Variants in XPC observed in about 807,000 individuals in gnomAD.
XPC encodes DNA repair protein complementing XP-C cells.
XPC carries 76 observed loss-of-function variants against 95.8 expected under a neutral mutation model. The ratio of observed to expected loss-of-function variants is 0.79; its 90% CI spans 0.66 to 0.96. XPC has a LOEUF of 0.96. XPC is among the 40% of genes least tolerant of loss of function. XPC has a pLI of 0.00. For missense variants in XPC, 1,146 were observed against 1,179.8 expected (o/e 0.97, Z 0.42); for synonymous variants, 442 against 442.1 (o/e 1.00, Z 0.00).
Position 14,152,369 on chromosome 3 carries a change from G to A in XPC, c.2081C>T (p.Ala694Val). Residue 694 changes from alanine to valine, a missense_variant, in exon 11 of 16, where the codon GCA becomes GTA. Physicochemically the swap from Ala to Val is moderately conservative, Grantham distance 64. Coordinates refer to ENST00000285021, the MANE Select transcript of XPC (RefSeq NM_004628.5). Reference sequence around the variant, plus strand: ...TACTTCTCCAAGCCTCACCACTCTTGCTTTCTTCAGCCACGTGTCCCTGGA... The same window carrying A: ...TACTTCTCCAAGCCTCACCACTCTTACTTTCTTCAGCCACGTGTCCCTGGA... Reference protein sequence around the residue: ...LHSRDTWLKKARVVRLGEVPY... With the variant: ...LHSRDTWLKKVRVVRLGEVPY... 6.2e-7 allele frequency: 1 copy of A among 1,613,248 alleles called. No homozygotes were observed. The highest frequency in any genetic ancestry group is 1.1e-5 in the South Asian group (1 of 90,846).
intron 14 of XPC, 75 bp downstream of exon 14, chr3:14,147,833 C>T (rs2125008054): frequency 7.3e-7 from 1 of 1,374,764 alleles, no homozygotes; most frequent in East Asian, 2.5e-5. Context: ...CGGAGGCGGC[C>T]TGGGGAAGGA....
chr3:14,149,661 T>C (rs942291493), intron 11 of XPC: 7 of 152,214 alleles, frequency 4.6e-5, no homozygotes, highest in African/African-American at 1.2e-4. Context: ...GGTGTCACCA[T>C]ATTGGCCTGG....
chr3:14,171,913 A>T (rs1382721455), intron 2 of XPC, among the ~76,000 whole-genome samples: 1 of 152,112 alleles, frequency 6.6e-6, no homozygotes, highest in East Asian at 1.9e-4. Flanking sequence ...GAAAATCATC[A>T]TGCTGTCCCG....
In XPC at chr3:14,145,807, C is replaced by T; in HGVS notation, c.*134G>A. On this transcript the variant is annotated 3_prime_UTR_variant, in exon 16 of 16. Transcript: ENST00000285021. ...GGCCTCGTCTCCCCTGACCCCGCCT[C>T]CGTGCATGCTGCCTCAGTTTGCCTT... 1 of 1,132,094 alleles carries T rather than the reference C, an allele frequency of 8.8e-7. No individual in the cohort carries two copies. Among genetic ancestry groups the T allele is most frequent in the Non-Finnish European group, 1.3e-6 (1 of 774,722 alleles). 70.1% of individuals were successfully genotyped at this position (1,132,094 alleles called of 1,614,324 possible).
In XPC at chr3:14,145,308, T is replaced by C. The variant is rs1368402602; in HGVS notation, c.*633A>G. 2.9e-6 allele frequency: 2 copies of C among 698,434 alleles called. No individual in the cohort carries two copies. The highest frequency in any genetic ancestry group is 3.5e-5 in the African/African-American group (2 of 57,038). The allele number at this position is 698,434 out of a possible 1,614,324, so 43.3% of individuals were successfully genotyped here. ...TTTTCAATTCGTATTTTTCCTTTTC[T>C]TTCCTGATTTTAGCTTTTTTTAGGC... is the stretch of plus-strand genomic sequence containing the variant. On this transcript the variant is annotated 3_prime_UTR_variant, in exon 16 of 16. Transcript: ENST00000285021.
chr3:14,147,314 C>T lies in XPC; in HGVS notation c.2580G>A (p.Arg860=). 6.2e-7 allele frequency: 1 copy of T among 1,611,812 alleles called. No homozygotes were observed. The highest frequency in any genetic ancestry group is 8.5e-7 in the Non-Finnish European group (1 of 1,179,096). ...CCTTGGGCCCGTAGCGACGCTTCAGCCTCTCCCTGATGAGCAGACCTTTGG... is the reference window on the plus strand; with the variant it reads ...CCTTGGGCCCGTAGCGACGCTTCAGTCTCTCCCTGATGAGCAGACCTTTGG... The part of the protein sequence containing the change: ...LLAKGLLIRE[R]LKRRYGPKSE... Residue 860 remains arginine (R), a synonymous_variant, in exon 15 of 16, where the codon AGG becomes AGA. Coordinates refer to ENST00000285021, the MANE Select transcript of XPC (RefSeq NM_004628.5).
chr3:14,160,566 T>C (rs1696129622), intron 7 of XPC, among the ~76,000 whole-genome samples: 1 of 152,260 alleles, frequency 6.6e-6, no homozygotes, highest in African/African-American at 2.4e-5. Context: ...GCTTTTGCCT[T>C]GTTTCTTCTG....
At chr3:14,176,730 G>A (rs1307255984) in intron 1 of XPC, among the ~76,000 whole-genome samples, 5 of 152,258 alleles carry the variant, frequency 3.3e-5, no homozygotes, top group African/African-American at 9.6e-5. Flanking sequence ...AGCCTTTGCC[G>A]GTTACCTAGT....
intron 5 of XPC, among the ~76,000 whole-genome samples, chr3:14,166,777 C>G (rs1469328687): frequency 6.6e-6 from 1 of 152,184 alleles, no homozygotes; most frequent in East Asian, 1.9e-4. Context: ...TAAGCTTTAT[C>G]CAAGTCTCTA....
In XPC at chr3:14,178,090, T is replaced by C. The variant is rs553871255; in HGVS notation, c.103+376A>G. ...TGTGGAACTCTGGGTGAGACTCAGC[T>C]GAAGTTATCATTCGGGAGTCAGCAC... On this transcript the variant is annotated intron_variant, in intron 1 of 15. Transcript: ENST00000285021. Among the ~76,000 whole-genome samples the C allele has an allele frequency of 3.3e-5, 5 of 152,316 alleles. No individual in the cohort carries two copies. The South Asian group carries it at 1.0e-3, about 32-fold the overall frequency.
chr3:14,164,929 T>A lies in XPC; in HGVS notation c.784A>T (p.Ile262Phe). The change falls in exon 7 of 16, where the codon ATT (isoleucine) becomes TTT (phenylalanine). Residue 262 changes from isoleucine (I) to phenylalanine (F), a missense_variant. Physicochemically the swap from Ile to Phe is conservative, Grantham distance 21 (BLOSUM62 0). Transcript: ENST00000285021. Reference protein sequence around the residue: ...YYLSNLVKWFIGTFTVNAELS... With the variant: ...YYLSNLVKWFFGTFTVNAELS... ...TCTGCATTAACTGTAAATGTTCCAA[T>A]GAACCTGGGGAGAAAGCAGGCATTC... 1.2e-6 allele frequency: 2 copies of A among 1,609,290 alleles called. No individual in the cohort carries two copies. Among genetic ancestry groups the A allele is most frequent in the Non-Finnish European group, 1.7e-6 (2 of 1,177,820 alleles).
intron 13 of XPC, 54 bp from the exon 14 acceptor site, chr3:14,148,055 T>C: frequency 1.4e-6 from 2 of 1,456,784 alleles, no homozygotes. Flanking sequence ...GCTCTGCCTC[T>C]CCTCCCTCCC....
chr3:14,150,735 G>C (rs1695653908), intron 11 of XPC, among the ~76,000 whole-genome samples: 1 of 152,252 alleles, frequency 6.6e-6, no homozygotes, highest in Non-Finnish European at 1.5e-5. Context: ...CCTGAGGACA[G>C]TGGAGGCAAG....
chr3:14,146,067 T>C lies in XPC; in HGVS notation c.2697A>G (p.Ile899Met). The C allele has an allele frequency of 6.2e-7, 1 of 1,612,764 alleles. No individual in the cohort carries two copies. Among genetic ancestry groups the C allele is most frequent in the Non-Finnish European group, 8.5e-7 (1 of 1,179,502 alleles). The change falls in exon 16 of 16, where the codon ATA becomes ATG. Residue 899 changes from isoleucine to methionine, a missense_variant. Ile to Met is a conservative substitution (Grantham distance 10). Transcript: ENST00000285021. ...GGTTTTGAGGCCAGGAGGCAGCCAG[T>C]ATCCTGGCCGCTTCTGCTTGAGAGC... Reference protein sequence around the residue: ...GTSSQAEAARILAASWPQNRE... With the variant: ...GTSSQAEAARMLAASWPQNRE...
At position 14,145,749 on chromosome 3, in the gene XPC, A is replaced by G. The variant is rs3731178; in HGVS notation, c.*192T>C. ...CCTGGGTGAATCTGACAAGGGCTGG[A>G]GCCAGACGGGACCTGCAGCACCTCC... On this transcript the variant is annotated 3_prime_UTR_variant, in exon 16 of 16. Transcript: ENST00000285021. 3.1e-3 allele frequency: 2,279 copies of G among 738,870 alleles called. 41 individuals carry two copies. In the African/African-American group the frequency reaches 0.035, roughly 11 times the overall value. 45.8% of individuals were successfully genotyped at this position (738,870 alleles called of 1,614,324 possible). A position where few individuals can be genotyped will look rare whatever the true frequency, so the allele number is the denominator to read the frequency against.
chr3:14,158,872 T>C lies in XPC; in HGVS notation c.1011A>G (p.Glu337=). The C allele has an allele frequency of 6.2e-7, 1 of 1,614,006 alleles. No homozygotes were observed. The highest frequency in any genetic ancestry group is 8.5e-7 in the Non-Finnish European group (1 of 1,179,890). ...ATAKGKKPSK[E]RLTADPGGSS... ...AGCCTCCTGGATCCGCAGTCAATCT[T>C]TCCTTGGAAGGTTTCTTTCCCTTAA... Residue 337 remains glutamate, a synonymous_variant, in exon 9 of 16, where the codon GAA becomes GAG. Coordinates refer to ENST00000285021, the MANE Select transcript of XPC (RefSeq NM_004628.5). The surrounding 1 kb of genome is among the most constrained non-coding windows in gnomAD (Gnocchi z 5.2).
intron 1 of XPC, among the ~76,000 whole-genome samples, chr3:14,173,545 C>T (rs1203566269): frequency 6.6e-6 from 1 of 152,228 alleles, no homozygotes; most frequent in Admixed American, 6.5e-5. Context: ...GCTCAAAACA[C>T]ATACTGCTCT....
At chr3:14,151,852 C>G (rs894512106) in intron 11 of XPC, 1 of 158,002 alleles carries the variant, frequency 6.3e-6, no homozygotes, top group African/African-American at 2.4e-5. Context: ...GGGACTTGGA[C>G]AAGTCACTTG....
Position 14,178,571 on chromosome 3 carries a change from T to C in XPC, c.-3A>G, listed in dbSNP as rs1212788333. 6.2e-6 allele frequency: 10 copies of C among 1,612,534 alleles called. No individual in the cohort carries two copies. The Admixed American group carries it at 1.7e-4, about 27-fold the overall frequency. ...CCGGCCGCGCGTTTCCGAGCCATGT[T>C]GCTTGTCTGGGCAAATTCCACTTCG... is the stretch of plus-strand genomic sequence containing the variant. On this transcript the variant is annotated 5_prime_UTR_variant, in exon 1 of 16. Coordinates refer to ENST00000285021, the MANE Select transcript of XPC (RefSeq NM_004628.5).
Sources: allele counts gnomAD v4.1 joint callset (sites outside exome capture counted in the v4.1 genomes callset), GRCh38; gene constraint gnomAD v4.1.1; non-coding constraint Gnocchi (gnomAD v3.1); transcripts MANE v1.5; gene names NCBI Gene and HGNC (gene_info 2026-07-23, HGNC 2026-07-21).